Variants in SNX31 observed in about 807,000 individuals in gnomAD.
The protein encoded by SNX31 is sorting nexin-31.
A neutral mutation model predicts 65.4 loss-of-function variants in SNX31; 58 were observed. That is an observed-to-expected ratio of 0.89 (90% CI 0.72 to 1.10). The LOEUF (loss-of-function observed/expected upper bound fraction) is 1.10. SNX31 is among the 50% of genes least tolerant of loss of function. SNX31 has a pLI of 0.00. For missense variants in SNX31, 523 were observed against 529.7 expected (o/e 0.99, Z 0.12); for synonymous variants, 181 against 190.1 (o/e 0.95, Z 0.39).
intron 2 of SNX31, among the ~76,000 whole-genome samples, chr8:100,641,559 AAAAAAAATATATATATATAT>A (rs1210118370): frequency 6.4e-5 from 2 of 31,312 alleles, no homozygotes; most frequent in Non-Finnish European, 1.1e-4. Context: ...AAAAAAAAAA[AAAAAAAATATATATATATAT>A]ATATATATAT....
intron 8 of SNX31, among the ~76,000 whole-genome samples, chr8:100,605,090 A>G (rs1816023313): frequency 1.3e-5 from 2 of 151,864 alleles, no homozygotes; most frequent in African/African-American, 2.4e-5. Context: ...GTAGAGATGG[A>G]GTTTCACCAT....
chr8:100,638,650 C>A (rs764420627), intron 2 of SNX31, among the ~76,000 whole-genome samples: 12 of 152,192 alleles, frequency 7.9e-5, no homozygotes, highest in Non-Finnish European at 1.6e-4. Context: ...ATATTACAAC[C>A]ACTTTGAAAG....
chr8:100,608,668 C>T (rs1466873573), intron 7 of SNX31, 105 bp from the exon 8 acceptor site: 1 of 1,024,226 alleles, frequency 9.8e-7, no homozygotes, highest in Non-Finnish European at 1.5e-6. Flanking sequence ...AACCAGGGCC[C>T]CCTTTTCCAA....
At chr8:100,615,865 G>T (rs1396101419) in intron 5 of SNX31, among the ~76,000 whole-genome samples, 1 of 152,158 alleles carries the variant, frequency 6.6e-6, no homozygotes, top group Non-Finnish European at 1.5e-5. Context: ...CGCCTCCCGG[G>T]TTCACGCCAT....
Position 100,622,111 on chromosome 8 carries a change from T to C in SNX31, c.322-4381A>G, listed in dbSNP as rs1049156931. On this transcript the variant is annotated intron_variant, in intron 4 of 13. Transcript: ENST00000311812. The surrounding 1 kb of genome is among the most constrained non-coding windows in gnomAD (Gnocchi z 5.0). Reference sequence around the variant, plus strand: ...AAATAACCTGACTAATCGGAAGTAGTTGAGTTCTACCTTCTCCACTCTAAA... The same window carrying C: ...AAATAACCTGACTAATCGGAAGTAGCTGAGTTCTACCTTCTCCACTCTAAA... Among the ~76,000 whole-genome samples, 1 of 152,234 alleles carries C rather than the reference T, an allele frequency of 6.6e-6. No homozygotes were observed. Among genetic ancestry groups the C allele is most frequent in the South Asian group, 2.1e-4 (1 of 4,832 alleles).
intron 2 of SNX31, among the ~76,000 whole-genome samples, chr8:100,645,933 G>A (rs1251650568): frequency 3.9e-5 from 6 of 152,116 alleles, no homozygotes. Flanking sequence ...CCTATAAAAT[G>A]AGAATGATGA....
intron 12 of SNX31, among the ~76,000 whole-genome samples, chr8:100,582,074 AT>A (rs1284079931): frequency 6.6e-6 from 1 of 152,248 alleles, no homozygotes; most frequent in Non-Finnish European, 1.5e-5. Context: ...CGTGTTAAAT[AT>A]TTGGATAAAG....
chr8:100,587,400 A>G (rs572348507), intron 11 of SNX31, among the ~76,000 whole-genome samples: 1 of 152,162 alleles, frequency 6.6e-6, no homozygotes, highest in Non-Finnish European at 1.5e-5. Flanking sequence ...ACAGTCAAAA[A>G]CCAGATGTAC....
chr8:100,653,149 G>C (rs1437189525), upstream of SNX31, among the ~76,000 whole-genome samples: 2 of 152,194 alleles, frequency 1.3e-5, no homozygotes, highest in Non-Finnish European at 2.9e-5. Context: ...AAGGCTGGAT[G>C]GCTTGGGATG....
chr8:100,645,507 T>C (rs1819559768), intron 2 of SNX31, among the ~76,000 whole-genome samples: 1 of 150,924 alleles, frequency 6.6e-6, no homozygotes, highest in Non-Finnish European at 1.5e-5. Context: ...GGCATACTTA[T>C]ACTAAAAAAA....
intron 3 of SNX31, among the ~76,000 whole-genome samples, chr8:100,634,320 A>G (rs1818602030): frequency 6.6e-6 from 1 of 152,206 alleles, no homozygotes; most frequent in African/African-American, 2.4e-5. Flanking sequence ...TGGCACTGCT[A>G]ATAAAGACCT....
At chr8:100,601,939 C>A (rs76291500) in intron 8 of SNX31, among the ~76,000 whole-genome samples, 2,800 of 152,318 alleles carry the variant, frequency 0.018, 97 homozygotes, top group African/African-American at 0.064. Flanking sequence ...CTCTTGGCAC[C>A]CAGCTCCCTT....
At position 100,576,525 on chromosome 8, in the gene SNX31, T is replaced by C. The variant is rs1813058175; in HGVS notation, c.1227+494A>G. On this transcript the variant is annotated intron_variant, in intron 13 of 13. Coordinates refer to ENST00000311812, the MANE Select transcript of SNX31 (RefSeq NM_152628.4). The surrounding 1 kb of genome is among the most constrained non-coding windows in gnomAD (Gnocchi z 4.8). ...ATAGGGCTGTGAAGGAATGTGTTAATTCACATAAAAGTGCTTAGAATACTG... is the reference window on the plus strand; with the variant it reads ...ATAGGGCTGTGAAGGAATGTGTTAACTCACATAAAAGTGCTTAGAATACTG... Among the ~76,000 whole-genome samples, 1 of 152,226 alleles carries C rather than the reference T, an allele frequency of 6.6e-6. No homozygotes were observed. The highest frequency in any genetic ancestry group is 1.5e-5 in the Non-Finnish European group (1 of 68,046).
At position 100,612,399 on chromosome 8, in the gene SNX31, G is replaced by A. The variant is rs112886372; in HGVS notation, c.524-312C>T. ...GCCTAGCAGCCAACCCTCTACACAA[G>A]CCCCTTAACTTCCAACTCAAAACCA... On this transcript the variant is annotated intron_variant, in intron 6 of 13. Coordinates refer to ENST00000311812, the MANE Select transcript of SNX31 (RefSeq NM_152628.4). This position sits in a 1 kb window ranked among gnomAD's most constrained non-coding sequence, Gnocchi z 4.3. Among the ~76,000 whole-genome samples the A allele has an allele frequency of 0.016, 2,368 of 151,728 alleles. 28 individuals are homozygous for A. The highest frequency in any genetic ancestry group is 0.022 in the Non-Finnish European group (1,488 of 67,950).
At chr8:100,628,653 A>G (rs1818212746) in intron 4 of SNX31, among the ~76,000 whole-genome samples, 1 of 152,122 alleles carries the variant, frequency 6.6e-6, no homozygotes, top group Non-Finnish European at 1.5e-5. Flanking sequence ...TGACGAGTTA[A>G]TGGGTGCAGC....
At chr8:100,617,546 T>C (rs1240083103) in intron 5 of SNX31, 74 bp downstream of exon 5, 2 of 1,027,240 alleles carry the variant, frequency 1.9e-6, no homozygotes, top group African/African-American at 1.6e-5. Flanking sequence ...AAGGTAACCG[T>C]ATCCCATTCT....
chr8:100,624,828 G>T (rs985245004), intron 4 of SNX31, among the ~76,000 whole-genome samples: 3 of 151,914 alleles, frequency 2.0e-5, no homozygotes, highest in Admixed American at 6.6e-5. Context: ...TAAAGTCAGG[G>T]TCTTGCTCTG....
At chr8:100,654,147 CA>C (rs1332494466), upstream of SNX31, among the ~76,000 whole-genome samples, 1 of 152,152 alleles carries the variant, frequency 6.6e-6, no homozygotes, top group Non-Finnish European at 1.5e-5. Context: ...GCTGGGACTA[CA>C]GGGGTGCACC....
chr8:100,635,239 T>C (rs561742956), intron 3 of SNX31, among the ~76,000 whole-genome samples: 1 of 151,930 alleles, frequency 6.6e-6, no homozygotes, highest in South Asian at 2.1e-4. Flanking sequence ...TATTTATTTA[T>C]TTATTTTTAT....
Sources: gnomAD v4.1 joint callset for allele counts (sites outside exome capture counted in the v4.1 genomes callset) on GRCh38, gnomAD v4.1.1 for gene constraint, Gnocchi (gnomAD v3.1) non-coding constraint, MANE v1.5 for transcripts, NCBI Gene and HGNC (gene_info 2026-07-23, HGNC 2026-07-21) for gene names.